The following ALPL variants were observed in gnomAD, a reference collection of about 807,000 sequenced individuals.
The protein encoded by ALPL is alkaline phosphatase, biomineralization associated, also known as alkaline phosphatase, tissue-nonspecific isozyme.
A neutral mutation model predicts 51.3 loss-of-function variants in ALPL; 42 were observed. The ratio of observed to expected loss-of-function variants is 0.82; its 90% CI spans 0.64 to 1.06. The LOEUF is 1.06. Ranked by LOEUF, ALPL falls within the 50% of genes least tolerant of loss-of-function variation. The probability of loss-of-function intolerance (pLI) is 0.00; values close to 1 mark genes in which losing one functional copy is unlikely to be tolerated. For missense variants in ALPL, 589 were observed against 709.4 expected, an observed-to-expected ratio of 0.83 and a Z score of 1.93; for synonymous variants, 279 against 296.4, an observed-to-expected ratio of 0.94 and a Z score of 0.60.
intron 1 of ALPL, among the ~76,000 whole-genome samples, chr1:21,545,276 TTTTTGTTTTTG>T (rs1369966523): frequency 3.4e-5 from 5 of 144,930 alleles, no homozygotes; most frequent in African/African-American, 1.3e-4. Context: ...TTTGGGGGTT[TTTTTGTTTTTG>T]TTTTTGTTTT....
intron 1 of ALPL, among the ~76,000 whole-genome samples, chr1:21,537,389 C>T (rs1404752417): frequency 1.3e-5 from 2 of 152,200 alleles, no homozygotes; most frequent in East Asian, 1.9e-4. Context: ...GAGAGGCCAA[C>T]GTGACTGAAG....
Position 21,509,738 on chromosome 1 carries a change from G to C in ALPL, c.-105+221G>C, listed in dbSNP as rs1643644410. On this transcript the variant is annotated intron_variant, in intron 1 of 11. Transcript: ENST00000374840. The surrounding 1 kb of genome is among the most constrained non-coding windows in gnomAD (Gnocchi z 6.0). ...AGCTCCCGGCGCGCGCTCTGGGCGGGACAGGAGATTGGACGTGGCGCCCGC... is the reference window on the plus strand; with the variant it reads ...AGCTCCCGGCGCGCGCTCTGGGCGGCACAGGAGATTGGACGTGGCGCCCGC... 6.6e-6 allele frequency among the ~76,000 whole-genome samples: 1 copy of C among 152,164 alleles called. No homozygotes were observed. The highest frequency in any genetic ancestry group is 6.5e-5 in the Admixed American group (1 of 15,282).
At chr1:21,569,575 G>T (rs376615126) in intron 7 of ALPL, among the ~76,000 whole-genome samples, 10 of 150,096 alleles carry the variant, frequency 6.7e-5, no homozygotes, top group African/African-American at 4.9e-5. Context: ...GGGCTGGGAG[G>T]GGGGGTGCGG....
chr1:21,509,306 G>A (rs1255264370), upstream of ALPL: 3 of 148,316 alleles, frequency 2.0e-5, no homozygotes, highest in Non-Finnish European at 3.0e-5. This position sits in a 1 kb window ranked among gnomAD's most constrained non-coding sequence, Gnocchi z 6.0. Context: ...GGCCGGGGGC[G>A]GGGCCGGGGC....
At chr1:21,572,572 G>A (rs1558554609) in intron 8 of ALPL, among the ~76,000 whole-genome samples, 1 of 152,190 alleles carries the variant, frequency 6.6e-6, no homozygotes, top group Non-Finnish European at 1.5e-5. Context: ...GGGTTATTGG[G>A]CACCATCTTG....
In ALPL at chr1:21,560,568, G is replaced by A. The variant is rs373345107; in HGVS notation, c.62-58G>A. The A allele has an allele frequency of 4.7e-5, 75 of 1,605,602 alleles. No individual in the cohort carries two copies. The Middle Eastern group carries it at 5.0e-4, about 11-fold the overall frequency. On this transcript the variant is annotated intron_variant, in intron 2 of 11. Coordinates refer to ENST00000374840, the MANE Select transcript of ALPL (RefSeq NM_000478.6). The stretch of plus-strand genomic sequence containing the variant: ...CAATCAGAAGTGGGGGGATCTGTAC[G>A]TCTGGAGATAGGAGGCTATCCTTAC...
At chr1:21,555,651 C>A (rs1644403230) in intron 2 of ALPL, among the ~76,000 whole-genome samples, 1 of 152,182 alleles carries the variant, frequency 6.6e-6, no homozygotes, top group African/African-American at 2.4e-5. Context: ...CTCCTGACCT[C>A]AAGTGATCCA....
At chr1:21,555,365 A>G (rs991203395) in intron 2 of ALPL, among the ~76,000 whole-genome samples, 1 of 152,198 alleles carries the variant, frequency 6.6e-6, no homozygotes, top group Admixed American at 6.5e-5. Flanking sequence ...CTGGATGTAT[A>G]TGTGCAGGTC....
At chr1:21,549,608 G>A (rs562304646) in intron 1 of ALPL, among the ~76,000 whole-genome samples, 1 of 151,898 alleles carries the variant, frequency 6.6e-6, no homozygotes, top group South Asian at 2.1e-4. Context: ...CAGGTAGCTG[G>A]GACTACAGGT....
At chr1:21,555,600 T>C (rs1179985922) in intron 2 of ALPL, among the ~76,000 whole-genome samples, 1 of 152,016 alleles carries the variant, frequency 6.6e-6, no homozygotes, top group East Asian at 1.9e-4. Context: ...GTATTCTTAT[T>C]AGAGACGGGG....
intron 1 of ALPL, among the ~76,000 whole-genome samples, chr1:21,525,321 C>T (rs1485411677): frequency 2.0e-5 from 3 of 152,196 alleles, no homozygotes; most frequent in Non-Finnish European, 2.9e-5. Flanking sequence ...CTCCAGCCAC[C>T]GAGGGTAAAA....
At chr1:21,512,172 C>T (rs1643701494) in intron 1 of ALPL, among the ~76,000 whole-genome samples, 1 of 152,244 alleles carries the variant, frequency 6.6e-6, no homozygotes, top group Admixed American at 6.5e-5. Flanking sequence ...ACCATGTCGT[C>T]GTCCTTGGCA....
chr1:21,554,326 A>G (rs945751981), intron 2 of ALPL, among the ~76,000 whole-genome samples, 184 bp downstream of exon 2: 2 of 16,116 alleles, frequency 1.2e-4, no homozygotes, highest in African/African-American at 2.6e-4. Context: ...CTCTTTTCCC[A>G]TATATATATA....
At chr1:21,509,341 G>T (rs1643632494), upstream of ALPL, 3 of 148,738 alleles carry the variant, frequency 2.0e-5, no homozygotes, top group South Asian at 6.2e-4. This position sits in a 1 kb window ranked among gnomAD's most constrained non-coding sequence, Gnocchi z 6.0. Context: ...GTTGGGGCCG[G>T]GGGCGGGGGA....
intron 1 of ALPL, among the ~76,000 whole-genome samples, chr1:21,515,680 CA>C (rs1643783884): frequency 1.3e-5 from 2 of 152,314 alleles, no homozygotes; most frequent in South Asian, 4.1e-4. Flanking sequence ...TGGGCCACCA[CA>C]CCTGGCCCCA....
At chr1:21,548,466 A>G (rs1413991766) in intron 1 of ALPL, among the ~76,000 whole-genome samples, 1 of 152,236 alleles carries the variant, frequency 6.6e-6, no homozygotes. Context: ...AACTGCTACC[A>G]TGTGCAAGGG....
At chr1:21,542,364 A>C (rs746264520) in intron 1 of ALPL, among the ~76,000 whole-genome samples, 10 of 152,084 alleles carry the variant, frequency 6.6e-5, no homozygotes, top group Non-Finnish European at 1.2e-4. Flanking sequence ...CTCCAAGCTG[A>C]CTCAGTTCCC....
intron 7 of ALPL, among the ~76,000 whole-genome samples, chr1:21,569,767 T>A (rs1270383885): frequency 6.6e-6 from 1 of 152,174 alleles, no homozygotes; most frequent in Admixed American, 6.5e-5. Context: ...AGGCCTGGCC[T>A]AGCTGGCTTC....
intron 2 of ALPL, 75 bp from the exon 3 acceptor site, chr1:21,560,551 A>G: frequency 6.3e-7 from 1 of 1,581,246 alleles, no homozygotes; most frequent in East Asian, 2.3e-5. Context: ...AGCAATCAGA[A>G]GTGGGGGGAT....
Sources: gnomAD v4.1 joint callset for allele counts (sites outside exome capture counted in the v4.1 genomes callset) on GRCh38, gnomAD v4.1.1 for gene constraint, Gnocchi (gnomAD v3.1) non-coding constraint, MANE v1.5 for transcripts, NCBI Gene and HGNC (gene_info 2026-07-23, HGNC 2026-07-21) for gene names.